DPP6: variants seen among roughly 807,000 people sequenced by gnomAD.
DPP6 encodes the protein A-type potassium channel modulatory protein DPP6.
A neutral mutation model predicts 122.6 loss-of-function variants in DPP6; 69 were observed. The observed-to-expected ratio is 0.56, with a 90% confidence interval of 0.46 to 0.69. The LOEUF (loss-of-function observed/expected upper bound fraction) is 0.69. Ranked by LOEUF, DPP6 falls within the 30% of genes least tolerant of loss-of-function variation. The pLI, the probability that DPP6 is intolerant of heterozygous loss-of-function variation, is 0.00. For missense variants in DPP6, 928 were observed against 1,116.9 expected, an observed-to-expected ratio of 0.83 and a Z score of 2.41; for synonymous variants, 418 against 433.1, an observed-to-expected ratio of 0.97 and a Z score of 0.43.
chr7:154,795,326 T>G (rs1797977404), intron 11 of DPP6, among the ~76,000 whole-genome samples: 1 of 152,176 alleles, frequency 6.6e-6, no homozygotes, highest in South Asian at 2.1e-4. Context: ...GTCTGGAGTT[T>G]TGTTTTTCTT....
chr7:153,982,735 C>T (rs535251020), intron 1 of DPP6, among the ~76,000 whole-genome samples: 115 of 152,188 alleles, frequency 7.6e-4, no homozygotes, highest in South Asian at 2.1e-4. Context: ...TTTGCGTTGT[C>T]GTCCTTTTTG....
At chr7:153,799,991 A>G in the DPP6 span, among the ~76,000 whole-genome samples, 2 of 152,230 alleles carry the variant, frequency 1.3e-5, no homozygotes, top group African/African-American at 4.8e-5. Context: ...AGTACAGCAC[A>G]GCCACTGTGG....
intron 1 of DPP6, among the ~76,000 whole-genome samples, chr7:153,911,363 A>G (rs1800086221): frequency 6.6e-6 from 1 of 152,142 alleles, no homozygotes; most frequent in Non-Finnish European, 1.5e-5. Context: ...TTTCACTGAG[A>G]TCATAGTGTA....
intron 1 of DPP6, among the ~76,000 whole-genome samples, chr7:154,217,733 C>T (rs1415267575): frequency 1.3e-5 from 2 of 152,182 alleles, no homozygotes; most frequent in African/African-American, 2.4e-5. Context: ...ATCCCTTTCT[C>T]ACTCTGACAG....
At chr7:154,593,649 C>T (rs533400471) in intron 5 of DPP6, among the ~76,000 whole-genome samples, 127 of 152,334 alleles carry the variant, frequency 8.3e-4, no homozygotes, top group African/African-American at 2.7e-3. Context: ...GCTGCAGCCC[C>T]GGAGCCCCAG....
At chr7:154,200,632 C>T (rs973160139) in intron 1 of DPP6, among the ~76,000 whole-genome samples, 24 of 152,278 alleles carry the variant, frequency 1.6e-4, no homozygotes, top group Middle Eastern at 3.4e-3. Context: ...ATTTCTGTCT[C>T]GTGAGGACTC....
Position 154,482,043 on chromosome 7 carries a change from A to G in DPP6, c.457+7006A>G, listed in dbSNP as rs182273051. ...TTTAAAGATAAGGAAACTTACAAGC[A>G]TGTGATTTCACATAGAATGGTGGAA... On this transcript the variant is annotated intron_variant, in intron 3 of 25. Coordinates refer to ENST00000377770, the MANE Select transcript of DPP6 (RefSeq NM_130797.4). Among the ~76,000 whole-genome samples the G allele has an allele frequency of 2.6e-3, 397 of 152,340 alleles. 1 individual carries two copies. Among genetic ancestry groups the G allele is most frequent in the Non-Finnish European group, 2.9e-3 (199 of 68,044 alleles).
At chr7:154,056,858 T>G (rs1800866001) in intron 1 of DPP6, among the ~76,000 whole-genome samples, 1 of 152,264 alleles carries the variant, frequency 6.6e-6, no homozygotes. Flanking sequence ...GTTTTTATAC[T>G]CTATTACTTT....
chr7:154,084,615 C>A (rs1300770309), intron 1 of DPP6, among the ~76,000 whole-genome samples: 1 of 80,286 alleles, frequency 1.2e-5, no homozygotes. Context: ...TTTCTATCAC[C>A]GTAATTTCAA....
intron 3 of DPP6, among the ~76,000 whole-genome samples, chr7:154,484,415 A>G (rs1178017596): frequency 6.6e-6 from 1 of 152,192 alleles, no homozygotes; most frequent in East Asian, 1.9e-4. Flanking sequence ...ATGGTTTGAT[A>G]AGCCCCATGC....
chr7:154,854,194 G>C (rs962117611), intron 17 of DPP6, among the ~76,000 whole-genome samples: 5 of 152,198 alleles, frequency 3.3e-5, no homozygotes, highest in African/African-American at 1.2e-4. Flanking sequence ...GGGGCACATG[G>C]AGGCTCATCT....
chr7:153,931,709 A>G (rs772355835), intron 1 of DPP6, among the ~76,000 whole-genome samples: 1 of 152,250 alleles, frequency 6.6e-6, no homozygotes, highest in East Asian at 1.9e-4. Flanking sequence ...TTTTCCTCAG[A>G]CAACAATTGA....
At chr7:153,786,014 T>TGAA in the DPP6 span, among the ~76,000 whole-genome samples, 2 of 152,178 alleles carry the variant, frequency 1.3e-5, no homozygotes, top group Non-Finnish European at 2.9e-5. Context: ...TGTAATAGTT[T>TGAA]ATCTACTGCT....
intron 1 of DPP6, among the ~76,000 whole-genome samples, chr7:154,087,158 AGCCCGAATGAG>A (rs1804483822): frequency 1.3e-5 from 2 of 151,816 alleles, no homozygotes; most frequent in Admixed American, 6.6e-5. Context: ...GCAAAGGAAC[AGCCCGAATGAG>A]GCTGTGGGAC....
At chr7:154,475,428 C>G (rs1223293415) in intron 3 of DPP6, 2 of 269,392 alleles carry the variant, frequency 7.4e-6, no homozygotes, top group Admixed American at 1.0e-4. Flanking sequence ...CCTTTGTTCT[C>G]TTGCTCTCTT....
chr7:154,416,550 G>A (rs922405899), intron 1 of DPP6, among the ~76,000 whole-genome samples: 9 of 152,008 alleles, frequency 5.9e-5, no homozygotes, highest in Non-Finnish European at 1.2e-4. Flanking sequence ...CTCTTACTGT[G>A]CCTCACTTAT....
chr7:154,697,844 T>TA (rs1840305546), intron 7 of DPP6, among the ~76,000 whole-genome samples: 1 of 152,158 alleles, frequency 6.6e-6, no homozygotes, highest in Non-Finnish European at 1.5e-5. Context: ...CAGTGTACAG[T>TA]AAACATTTGT....
chr7:154,319,374 A>G (rs1414207059), intron 1 of DPP6, among the ~76,000 whole-genome samples: 1 of 152,192 alleles, frequency 6.6e-6, no homozygotes. Flanking sequence ...TTATATTTGT[A>G]TAACGCTTAG....
At chr7:154,376,955 C>A (rs980833155) in intron 1 of DPP6, among the ~76,000 whole-genome samples, 16 of 152,108 alleles carry the variant, frequency 1.1e-4, no homozygotes, top group African/African-American at 3.9e-4. Context: ...TGTTCCTTAC[C>A]TCTGGAGGGA....
Sources: gnomAD v4.1 joint callset for allele counts (sites outside exome capture counted in the v4.1 genomes callset) on GRCh38, gnomAD v4.1.1 for gene constraint, MANE v1.5 for transcripts, NCBI Gene and HGNC (gene_info 2026-07-23, HGNC 2026-07-21) for gene names.